SLC23A2: variants seen among roughly 807,000 people sequenced by gnomAD.
SLC23A2 encodes the protein solute carrier family 23 member 2, also known as Na(+)/L-ascorbic acid transporter 2.
A neutral mutation model predicts 73.3 loss-of-function variants in SLC23A2; 36 were observed. The observed-to-expected ratio is 0.49, with a 90% CI of 0.38 to 0.65. The LOEUF (loss-of-function observed/expected upper bound fraction) is 0.65. SLC23A2 is among the 30% of genes least tolerant of loss of function. The pLI is 0.00. For synonymous variants in SLC23A2, 343 were observed against 327.3 expected (o/e 1.05, Z -0.52); for missense variants, 507 against 841.6 (o/e 0.60, Z 4.92).
At chr20:4,992,859 G>A (rs2087951000) in intron 1 of SLC23A2, among the ~76,000 whole-genome samples, 1 of 151,544 alleles carries the variant, frequency 6.6e-6, no homozygotes, top group Non-Finnish European at 1.5e-5. Flanking sequence ...TTGCAAAGTA[G>A]GACAAAAAAA....
chr20:4,949,287 C>CAA lies in SLC23A2; in HGVS notation c.-154-16573_-154-16572dup, dbSNP rs570455717. Among the ~76,000 whole-genome samples, 15 of 57,910 alleles carry CAA rather than the reference C, an allele frequency of 2.6e-4. 2 individuals are homozygous for CAA. The highest frequency in any genetic ancestry group is 7.7e-4 in the African/African-American group (12 of 15,550). 38.0% of individuals were successfully genotyped at this position (57,910 alleles called of 152,430 possible). A position where few individuals can be genotyped will look rare whatever the true frequency, so the allele number is the denominator to read the frequency against. On this transcript the variant is annotated intron_variant, in intron 2 of 16. Transcript: ENST00000338244. ...TGGGTGACAGAGCGAGACTCCATCT[C>CAA]AAAAAAAAAAAAAAAAAAGGAAAAC...
At chr20:4,921,508 C>T (rs1932498710) in intron 3 of SLC23A2, among the ~76,000 whole-genome samples, 1 of 151,760 alleles carries the variant, frequency 6.6e-6, no homozygotes, top group Admixed American at 6.6e-5. Context: ...ATCACTTGAG[C>T]CCAGGAGGTC....
chr20:4,993,181 G>A (rs1026122163), intron 1 of SLC23A2, among the ~76,000 whole-genome samples: 3 of 151,884 alleles, frequency 2.0e-5, no homozygotes, highest in Admixed American at 2.0e-4. Flanking sequence ...CTCCTAGGGA[G>A]GCTGAGGCAA....
At chr20:4,875,827 T>C (rs532599438) in intron 9 of SLC23A2, among the ~76,000 whole-genome samples, 51 of 152,058 alleles carry the variant, frequency 3.4e-4, no homozygotes, top group African/African-American at 1.2e-3. Context: ...GCAGGAAGAG[T>C]AGGTTCTCAG....
chr20:4,881,197 T>TG (rs1404889502), intron 9 of SLC23A2, among the ~76,000 whole-genome samples: 14 of 152,320 alleles, frequency 9.2e-5, no homozygotes, highest in East Asian at 5.8e-4. Flanking sequence ...ATCAAAAGTC[T>TG]GGGGCTTTTT....
chr20:4,857,605 C>T lies in SLC23A2; in HGVS notation c.1721-401G>A, dbSNP rs887626330. ...CCCATCTGGTTACCTAGTCTTCTGG[C>T]TCATCACCTCCTGCCCCAGGTCTGC... is the stretch of plus-strand genomic sequence containing the variant. On this transcript the variant is annotated intron_variant, in intron 16 of 16. Coordinates refer to ENST00000338244, the MANE Select transcript of SLC23A2 (RefSeq NM_005116.6). The surrounding 1 kb of genome is among the most constrained non-coding windows in gnomAD (Gnocchi z 4.0). 6.6e-6 allele frequency among the ~76,000 whole-genome samples: 1 copy of T among 152,122 alleles called. No homozygotes were observed. The highest frequency in any genetic ancestry group is 1.5e-5 in the Non-Finnish European group (1 of 68,028).
intron 9 of SLC23A2, among the ~76,000 whole-genome samples, chr20:4,877,065 G>A (rs1930685395): frequency 6.6e-6 from 1 of 152,118 alleles, no homozygotes; most frequent in Non-Finnish European, 1.5e-5. Context: ...TAATGTAAAT[G>A]ACGAGTTAAT....
At chr20:4,976,161 C>CTT (rs562127784) in intron 1 of SLC23A2, among the ~76,000 whole-genome samples, 8 of 148,512 alleles carry the variant, frequency 5.4e-5, no homozygotes, top group Admixed American at 1.4e-4. Context: ...CCAAGAGTTT[C>CTT]TTTTTTTTTT....
rs1198766093 is a variant in SLC23A2 at position 4,902,764 on chromosome 20, TG to T, written c.208-207del. On this transcript the variant is annotated intron_variant, in intron 4 of 16. Coordinates refer to ENST00000338244, the MANE Select transcript of SLC23A2 (RefSeq NM_005116.6). This position sits in a 1 kb window ranked among gnomAD's most constrained non-coding sequence, Gnocchi z 4.0. ...ACCGGGATGGTCAATCCTCAGAATTTGGGGGGTCAGCGTCCTTGGGCAACAT... is the reference window on the plus strand; with the variant it reads ...ACCGGGATGGTCAATCCTCAGAATTTGGGGGTCAGCGTCCTTGGGCAACAT... 1.3e-5 allele frequency among the ~76,000 whole-genome samples: 2 copies of T among 152,030 alleles called. No individual in the cohort carries two copies. The highest frequency in any genetic ancestry group is 1.3e-4 in the Admixed American group (2 of 15,262).
At chr20:4,991,307 A>G (rs1342098163) in intron 1 of SLC23A2, among the ~76,000 whole-genome samples, 1 of 152,054 alleles carries the variant, frequency 6.6e-6, no homozygotes, top group African/African-American at 2.4e-5. Context: ...ATGGGGTCTC[A>G]CTACGTTTCC....
At chr20:4,887,455 T>C (rs890780457) in intron 6 of SLC23A2, among the ~76,000 whole-genome samples, 4 of 152,192 alleles carry the variant, frequency 2.6e-5, no homozygotes, top group Non-Finnish European at 5.9e-5. Flanking sequence ...GTTTAGAGAT[T>C]TTATCCTTAG....
intron 1 of SLC23A2, among the ~76,000 whole-genome samples, chr20:4,993,310 A>AG (rs1015249648): frequency 6.6e-6 from 1 of 150,652 alleles, no homozygotes; most frequent in African/African-American, 2.4e-5. Flanking sequence ...TCCGTCTCAA[A>AG]AAAAAAAAAA....
intron 1 of SLC23A2, among the ~76,000 whole-genome samples, chr20:4,991,735 C>T (rs971825581): frequency 6.7e-6 from 1 of 149,294 alleles, no homozygotes; most frequent in Non-Finnish European, 1.5e-5. Flanking sequence ...CACACACACA[C>T]ACACACACAC....
At chr20:4,996,706 AAAAC>A (rs1568662340) in intron 1 of SLC23A2, among the ~76,000 whole-genome samples, 2 of 146,776 alleles carry the variant, frequency 1.4e-5, no homozygotes, top group Non-Finnish European at 3.0e-5. Context: ...AAAAAAAAAA[AAAAC>A]AACAACTCAT....
chr20:4,917,859 CTGCCTAAATAGTTCT>C (rs1313584439), intron 3 of SLC23A2, among the ~76,000 whole-genome samples: 1 of 152,196 alleles, frequency 6.6e-6, no homozygotes, highest in East Asian at 1.9e-4. Context: ...GTGCAGGGGG[CTGCCTAAATAGTTCT>C]TGCCTAAATG....
chr20:4,927,301 T>C (rs1001776323), intron 3 of SLC23A2, among the ~76,000 whole-genome samples: 2 of 152,228 alleles, frequency 1.3e-5, no homozygotes, highest in African/African-American at 4.8e-5. Flanking sequence ...TATTCTTCAA[T>C]ATTTACATTT....
In SLC23A2 at chr20:4,872,649, G is replaced by C. The variant is rs1394304386; in HGVS notation, c.1102+1287C>G. ...CTAATTGTAATTTCATTTTATCTCA[G>C]ACTACAGGTATGTTTATGAACCATG... is the stretch of plus-strand genomic sequence containing the variant. On this transcript the variant is annotated intron_variant, in intron 11 of 16. Transcript: ENST00000338244. The surrounding 1 kb of genome is among the most constrained non-coding windows in gnomAD (Gnocchi z 4.4). 6.6e-6 allele frequency among the ~76,000 whole-genome samples: 1 copy of C among 152,156 alleles called. No homozygotes were observed. Among genetic ancestry groups the C allele is most frequent in the Non-Finnish European group, 1.5e-5 (1 of 68,028 alleles).
intron 13 of SLC23A2, among the ~76,000 whole-genome samples, chr20:4,866,791 C>A (rs951104622): frequency 6.6e-6 from 1 of 152,080 alleles, no homozygotes; most frequent in Non-Finnish European, 1.5e-5. Flanking sequence ...TTTTGAAATC[C>A]ACTCCTCCCT....
Position 4,990,904 on chromosome 20 carries a change from G to A in SLC23A2, c.-282+10502C>T, listed in dbSNP as rs192687630. ...GAGGCAAGAGAATCACCTGGGAGAA[G>A]GAGGTTGCAGTGAGCTGAGATCGCA... On this transcript the variant is annotated intron_variant, in intron 1 of 16. Transcript: ENST00000338244. Among the ~76,000 whole-genome samples the A allele has an allele frequency of 1.5e-3, 220 of 149,626 alleles. 1 individual carries two copies. Among genetic ancestry groups the A allele is most frequent in the Non-Finnish European group, 2.6e-3 (172 of 67,400 alleles).
Sources: gnomAD v4.1 joint callset for allele counts (sites outside exome capture counted in the v4.1 genomes callset) on GRCh38, gnomAD v4.1.1 for gene constraint, Gnocchi (gnomAD v3.1) non-coding constraint, MANE v1.5 for transcripts, NCBI Gene and HGNC (gene_info 2026-07-23, HGNC 2026-07-21) for gene names.